NLRP14: variants seen among roughly 807,000 people sequenced by gnomAD.
NLRP14 encodes the protein NACHT, LRR and PYD domains-containing protein 14.
A neutral mutation model predicts 94.7 loss-of-function variants in NLRP14; 105 were observed. The observed-to-expected ratio is 1.11, with a 90% confidence interval of 0.95 to 1.30. The LOEUF is 1.30. Ranked by LOEUF, NLRP14 falls within the 50% of genes most tolerant of loss-of-function variation. The pLI is 0.00. For synonymous variants in NLRP14, 508 were observed against 459.9 expected, an observed-to-expected ratio of 1.10 and a Z score of -1.34; for missense variants, 1,362 against 1,254.1, an observed-to-expected ratio of 1.09 and a Z score of -1.30.
chr11:7,051,271 A>G (rs1852437701), intron 6 of NLRP14, among the ~76,000 whole-genome samples: 1 of 152,320 alleles, frequency 6.6e-6, no homozygotes, highest in East Asian at 1.9e-4. Context: ...GCCACTGAGG[A>G]GCAATCAATG....
chr11:7,076,446 T>C (rs1029128560), downstream of NLRP14, among the ~76,000 whole-genome samples: 4 of 152,248 alleles, frequency 2.6e-5, no homozygotes, highest in Admixed American at 2.6e-4. Context: ...TGCTAACTTC[T>C]TAAGTTGGAT....
Position 7,043,620 on chromosome 11 carries a change from T to A in NLRP14, c.1594T>A (p.Leu532Met). The change falls in exon 4 of 12, where the codon TTG (leucine) becomes ATG (methionine). Residue 532 changes from leucine (L) to methionine (M), a missense_variant. By Grantham distance (15) the Leu-to-Met change is conservative. Coordinates refer to ENST00000299481, the MANE Select transcript of NLRP14 (RefSeq NM_176822.4). ...DPHLTQMKCF[L>M]FGLLNEDRVK... ...CCATTTGACACAGATGAAGTGCTTT[T>A]TGTTTGGCCTTTTGAATGAAGATCG... The A allele has an allele frequency of 6.2e-7, 1 of 1,614,146 alleles. No individual in the cohort carries two copies.
chr11:7,063,542 A>G (rs900290238), intron 10 of NLRP14, among the ~76,000 whole-genome samples: 3 of 152,026 alleles, frequency 2.0e-5, no homozygotes, highest in African/African-American at 7.2e-5. Flanking sequence ...AGGGCCTTGC[A>G]TTTTTGTTAG....
chr11:7,078,969 A>C, the NLRP14 span, among the ~76,000 whole-genome samples: 1 of 152,230 alleles, frequency 6.6e-6, no homozygotes, highest in Non-Finnish European at 1.5e-5. Context: ...CCCAGGCCAC[A>C]GGCACTTCGT....
chr11:7,044,631 T>C (rs1407092879), intron 4 of NLRP14, among the ~76,000 whole-genome samples: 1 of 152,216 alleles, frequency 6.6e-6, no homozygotes, highest in Non-Finnish European at 1.5e-5. Context: ...ATTATTCTAC[T>C]CTACCTCCTT....
chr11:7,077,999 G>T, the NLRP14 span, among the ~76,000 whole-genome samples: 2 of 152,104 alleles, frequency 1.3e-5, no homozygotes, highest in Admixed American at 1.3e-4. Flanking sequence ...TTTCAGTTTT[G>T]CAAGACAAAG....
chr11:7,089,764 C>G, the NLRP14 span: 2 of 1,575,328 alleles, frequency 1.3e-6, no homozygotes, highest in African/African-American at 1.4e-5. Context: ...GAGGGCTACT[C>G]GTCCAGAGAC....
At chr11:7,023,322 A>G (rs1851970310) in intron 1 of NLRP14, among the ~76,000 whole-genome samples, 1 of 147,298 alleles carries the variant, frequency 6.8e-6, no homozygotes, top group Non-Finnish European at 1.5e-5. Flanking sequence ...TATTTTATAA[A>G]ATAAAATTTT....
At chr11:7,078,200 A>C in the NLRP14 span, among the ~76,000 whole-genome samples, 1 of 152,056 alleles carries the variant, frequency 6.6e-6, no homozygotes. Flanking sequence ...GCACTTTGGG[A>C]GGCCAAGACG....
At chr11:7,070,171 G>T in intron 10 of NLRP14, 115 bp from the exon 11 acceptor site, 1 of 738,676 alleles carries the variant, frequency 1.4e-6, no homozygotes, top group East Asian at 2.6e-5. Context: ...TACTAACTGT[G>T]CTCATTTTTT....
intron 10 of NLRP14, 116 bp from the exon 11 acceptor site, chr11:7,070,170 T>G: frequency 1.4e-6 from 1 of 734,288 alleles, no homozygotes; most frequent in South Asian, 1.5e-5. Context: ...ATACTAACTG[T>G]GCTCATTTTT....
At chr11:7,062,204 A>T in intron 9 of NLRP14, 129 bp from the exon 10 acceptor site, 1 of 763,490 alleles carries the variant, frequency 1.3e-6, no homozygotes, top group Non-Finnish European at 2.3e-6. Flanking sequence ...AGACCCTCCC[A>T]TGTATGTCCT....
intron 10 of NLRP14, among the ~76,000 whole-genome samples, chr11:7,069,323 A>AT (rs1484535117): frequency 6.6e-6 from 1 of 152,226 alleles, no homozygotes; most frequent in Admixed American, 6.5e-5. Flanking sequence ...CAGCATCTAT[A>AT]TAGGTACTCA....
intron 1 of NLRP14, among the ~76,000 whole-genome samples, chr11:7,035,973 G>A (rs1487498585): frequency 6.6e-6 from 1 of 152,080 alleles, no homozygotes; most frequent in African/African-American, 2.4e-5. Flanking sequence ...CTATGACCTG[G>A]GCAAGTTTCT....
chr11:7,021,035 G>A (rs1011682259), intron 1 of NLRP14, among the ~76,000 whole-genome samples: 1 of 151,996 alleles, frequency 6.6e-6, no homozygotes, highest in Admixed American at 6.6e-5. Context: ...CGCATCTTTG[G>A]GCCCTGTCCT....
rs533029557 is a variant in NLRP14, at chr11:7,023,328, A to G, written c.-22+2558A>G. Among the ~76,000 whole-genome samples, 810 of 147,222 alleles carry G rather than the reference A, an allele frequency of 5.5e-3. 8 individuals are homozygous for G. Among genetic ancestry groups the G allele is most frequent in the South Asian group, 0.01 (50 of 4,774 alleles). ...TAAAGTATATATTTTATAAAATAAA[A>G]TTTTAAATATATAATTTTAATTATA... is the stretch of plus-strand genomic sequence containing the variant. On this transcript the variant is annotated intron_variant, in intron 1 of 11. Coordinates refer to ENST00000299481, the MANE Select transcript of NLRP14 (RefSeq NM_176822.4).
chr11:7,038,710 C>T lies in NLRP14; in HGVS notation c.124C>T (p.His42Tyr), dbSNP rs76812401. 6.2e-7 allele frequency: 1 copy of T among 1,614,100 alleles called. No homozygotes were observed. Among genetic ancestry groups the T allele is most frequent in the Non-Finnish European group, 8.5e-7 (1 of 1,179,966 alleles). ...CCTAAAGGAGACCATGGAACCTGAG[C>T]ATGGCCTGACACCCTGGAATGAAGT... is the stretch of plus-strand genomic sequence containing the variant. ...LFLKETMEPE[H>Y]GLTPWNEVKK... Residue 42 changes from histidine to tyrosine, a missense_variant, in exon 2 of 12, where the codon CAT becomes TAT. His to Tyr is a moderately conservative substitution (Grantham distance 83, BLOSUM62 2). Transcript: ENST00000299481.
At chr11:7,026,920 C>A (rs1852024544) in intron 1 of NLRP14, among the ~76,000 whole-genome samples, 1 of 151,734 alleles carries the variant, frequency 6.6e-6, no homozygotes, top group Admixed American at 6.6e-5. Flanking sequence ...ATGTAACTAA[C>A]CTGCACATTA....
At chr11:7,039,812 T>C (rs1852220488) in intron 3 of NLRP14, 27 bp downstream of exon 3, 1 of 1,553,468 alleles carries the variant, frequency 6.4e-7, no homozygotes, top group Non-Finnish European at 8.9e-7. Flanking sequence ...TTCATCAGAT[T>C]TGGGAGGCAT....
Sources: gnomAD v4.1 joint callset for allele counts (sites outside exome capture counted in the v4.1 genomes callset) on GRCh38, gnomAD v4.1.1 for gene constraint, MANE v1.5 for transcripts, NCBI Gene and HGNC (gene_info 2026-07-23, HGNC 2026-07-21) for gene names.